Variants in ZNF518A observed in about 807,000 individuals in gnomAD.
ZNF518A encodes the protein zinc finger protein 518A.
A neutral mutation model predicts 102.7 loss-of-function variants in ZNF518A; 47 were observed. That is an observed-to-expected ratio of 0.46 (90% CI 0.36 to 0.58). The LOEUF is 0.58. ZNF518A is among the 20% of genes least tolerant of loss of function. ZNF518A has a pLI of 0.00. For synonymous variants in ZNF518A, 652 were observed against 594.6 expected (o/e 1.10, Z -1.40); for missense variants, 1,793 against 1,699.8 (o/e 1.05, Z -0.96).
intron 1 of ZNF518A, among the ~76,000 whole-genome samples, chr10:96,186,299 G>A (rs782341626): frequency 3.3e-5 from 5 of 152,206 alleles, no homozygotes; most frequent in African/African-American, 7.2e-5. Context: ...CTTCTGCATC[G>A]ATCACACTGG....
chr10:96,144,453 T>C (rs771585235), intron 3 of ZNF518A, among the ~76,000 whole-genome samples: 2 of 152,218 alleles, frequency 1.3e-5, no homozygotes, highest in Non-Finnish European at 2.9e-5. Flanking sequence ...CATATTTATA[T>C]GTTATGCTTT....
chr10:96,187,155 A>G (rs2083276301), intron 1 of ZNF518A, among the ~76,000 whole-genome samples: 2 of 152,256 alleles, frequency 1.3e-5, no homozygotes, highest in South Asian at 4.1e-4. Context: ...TTCCTAATAC[A>G]CAATTATAAT....
exon 2 of ZNF518A, chr10:96,203,612 C>CAAAAG (rs1793529702): frequency 7.2e-5 from 11 of 152,776 alleles, no homozygotes; most frequent in Admixed American, 3.3e-4. Context: ...AGATATTTGC[C>CAAAAG]GTATCTTCTT....
rs782127427 is a variant in ZNF518A at position 96,157,010 on chromosome 10, A to G, written c.688A>G (p.Asn230Asp). 2.5e-6 allele frequency: 4 copies of G among 1,613,712 alleles called. No homozygotes were observed. Among genetic ancestry groups the G allele is most frequent in the Non-Finnish European group, 3.4e-6 (4 of 1,179,794 alleles). The change falls in exon 6 of 6, where the codon AAT (asparagine) becomes GAT (aspartate). Residue 230 changes from asparagine to aspartate, a missense_variant. Asn to Asp is a conservative substitution (Grantham distance 23). This residue lies in a region of ZNF518A where 1,741 missense variants were observed against 1,622.6 expected (regional missense o/e 1.07). Coordinates refer to ENST00000316045, the MANE Select transcript of ZNF518A (RefSeq NM_001330736.2). ...GTFVQHIHRH[N>D]EIHYKCGKCH... ...ATTTGTTCAGCACATTCATAGACATAATGAAATTCATTATAAGTGTGGTAA... is the reference window on the plus strand; with the variant it reads ...ATTTGTTCAGCACATTCATAGACATGATGAAATTCATTATAAGTGTGGTAA...
chr10:96,200,911 T>C lies in ZNF518A; in HGVS notation n.36-2663T>C, dbSNP rs1451418480. 7.3e-7 allele frequency: 1 copy of C among 1,371,056 alleles called. No individual in the cohort carries two copies. The highest frequency in any genetic ancestry group is 1.2e-5 in the South Asian group (1 of 86,124). The allele number at this position is 1,371,056 out of a possible 1,614,324, so 84.9% of individuals were successfully genotyped here. On this transcript the variant is annotated intron_variant and non_coding_transcript_variant, in intron 1 of 2. Transcript: ENST00000442635. The surrounding 1 kb of genome is among the most constrained non-coding windows in gnomAD (Gnocchi z 4.3). ...CTCAAGGTTCACTCCAAATGTCTTCTTCTCAGAAGACATGCTCTTTCCTGC... is the reference window on the plus strand; with the variant it reads ...CTCAAGGTTCACTCCAAATGTCTTCCTCTCAGAAGACATGCTCTTTCCTGC...
At chr10:96,191,068 G>T (rs1289428424) in intron 1 of ZNF518A, among the ~76,000 whole-genome samples, 1 of 152,064 alleles carries the variant, frequency 6.6e-6, no homozygotes, top group African/African-American at 2.4e-5. Context: ...CCATGTTGTT[G>T]TGATAGTGAG....
At chr10:96,205,173 G>A (rs2083764361), downstream of ZNF518A, 1 of 158,864 alleles carries the variant, frequency 6.3e-6, no homozygotes, top group Admixed American at 6.0e-5. Context: ...GTGTTTTCCT[G>A]AGCAGAAGAG....
At chr10:96,168,837 G>T (rs1209547746) in intron 1 of ZNF518A, among the ~76,000 whole-genome samples, 1 of 152,112 alleles carries the variant, frequency 6.6e-6, no homozygotes, top group African/African-American at 2.4e-5. Context: ...GTGCCAGTAT[G>T]CATATTTTTG....
chr10:96,173,864 A>T (rs1591274109), intron 1 of ZNF518A, among the ~76,000 whole-genome samples: 1 of 152,182 alleles, frequency 6.6e-6, no homozygotes, highest in East Asian at 1.9e-4. Context: ...ATACCATATA[A>T]AACAAGTCTC....
chr10:96,195,243 A>G (rs1554894428), intron 1 of ZNF518A, among the ~76,000 whole-genome samples: 2 of 152,204 alleles, frequency 1.3e-5, no homozygotes, highest in Non-Finnish European at 2.9e-5. Flanking sequence ...GCTATGGAAA[A>G]AAGTATGGGA....
intron 3 of ZNF518A, among the ~76,000 whole-genome samples, chr10:96,148,835 C>T (rs2082294658): frequency 6.6e-6 from 1 of 152,198 alleles, no homozygotes. Flanking sequence ...CCTGCCTCAG[C>T]CTCCCGAGTA....
intron 1 of ZNF518A, among the ~76,000 whole-genome samples, chr10:96,193,327 C>G (rs782696626): frequency 1.8e-4 from 28 of 152,248 alleles, no homozygotes; most frequent in Non-Finnish European, 3.5e-4. Context: ...GGCCAGAAAA[C>G]GAAATAGCAC....
rs1554887090 is a variant in ZNF518A, at chr10:96,160,286, G to T, written c.3964G>T (p.Asp1322Tyr). The change falls in exon 6 of 6, where the codon GAT becomes TAT. Residue 1322 changes from aspartate to tyrosine, a missense_variant. Physicochemically the swap from Asp to Tyr is radical, Grantham distance 160 (BLOSUM62 -3). Transcript: ENST00000316045. ...ATTTAGCAGACCTAGGCTTTCAAAA[G>T]ATTCCATCAGAACTTTGCGGCTTTT... The part of the protein sequence containing the change: ...FGFSRPRLSK[D>Y]SIRTLRLFPF... 1.2e-6 allele frequency: 2 copies of T among 1,613,616 alleles called. No homozygotes were observed. Among genetic ancestry groups the T allele is most frequent in the Non-Finnish European group, 1.7e-6 (2 of 1,179,688 alleles).
chr10:96,160,938 T>C lies in ZNF518A; in HGVS notation c.*164T>C. 1.4e-6 allele frequency: 1 copy of C among 691,106 alleles called. No individual in the cohort carries two copies. The highest frequency in any genetic ancestry group is 2.2e-6 in the Non-Finnish European group (1 of 462,702). 42.8% of individuals were successfully genotyped at this position (691,106 alleles called of 1,614,324 possible). The stretch of plus-strand genomic sequence containing the variant: ...GGAAGAGTAAAAGTTGTATGTATGA[T>C]ATTTGAAAATGCTATCCCTGCACTC... On this transcript the variant is annotated 3_prime_UTR_variant, in exon 6 of 6. Transcript: ENST00000316045.
intron 1 of ZNF518A, among the ~76,000 whole-genome samples, chr10:96,186,035 C>T (rs782233557): frequency 4.6e-5 from 7 of 152,238 alleles, no homozygotes; most frequent in African/African-American, 1.4e-4. Context: ...AGCCAGGCGC[C>T]GGATATAATC....
In ZNF518A at chr10:96,156,414, C is replaced by G. The variant is rs375425463; in HGVS notation, c.92C>G (p.Ser31Trp). ...GTGAAAAATGAGATAGTTGATAGGT[C>G]GGCACCTAAACCAAAAATTTCAGGA... is the stretch of plus-strand genomic sequence containing the variant. ...YDVKNEIVDR[S>W]APKPKISGSI... The change falls in exon 6 of 6, where the codon TCG becomes TGG. Residue 31 changes from serine to tryptophan, a missense_variant. Physicochemically the swap from Ser to Trp is radical, Grantham distance 177 (BLOSUM62 -3). Coordinates refer to ENST00000316045, the MANE Select transcript of ZNF518A (RefSeq NM_001330736.2). 1.2e-6 allele frequency: 2 copies of G among 1,612,050 alleles called. No individual in the cohort carries two copies. Among genetic ancestry groups the G allele is most frequent in the African/African-American group, 1.3e-5 (1 of 74,772 alleles).
In ZNF518A at chr10:96,200,289, G is replaced by T; in HGVS notation, n.36-3285G>T. 3.2e-5 allele frequency: 20 copies of T among 623,538 alleles called. No individual in the cohort carries two copies. The highest frequency in any genetic ancestry group is 9.1e-5 in the East Asian group (3 of 33,022). 38.6% of individuals were successfully genotyped at this position (623,538 alleles called of 1,614,324 possible). A position where few individuals can be genotyped will look rare whatever the true frequency, so the allele number is the denominator to read the frequency against. ...ATTTACACCAATAATTTTAAGATGA[G>T]TTTTATTTTTCCTTTGATCAAACAC... On this transcript the variant is annotated intron_variant and non_coding_transcript_variant, in intron 1 of 2. Coordinates refer to the ZNF518A transcript ENST00000442635. The surrounding 1 kb of genome is among the most constrained non-coding windows in gnomAD (Gnocchi z 4.3).
chr10:96,188,737 C>G (rs2083287378), intron 1 of ZNF518A, among the ~76,000 whole-genome samples: 1 of 152,112 alleles, frequency 6.6e-6, no homozygotes, highest in African/African-American at 2.4e-5. Flanking sequence ...CAAAATTTCC[C>G]AAACCCCTAT....
intron 1 of ZNF518A, among the ~76,000 whole-genome samples, chr10:96,178,946 C>CTG (rs2083222185): frequency 1.3e-5 from 2 of 151,958 alleles, no homozygotes; most frequent in Non-Finnish European, 2.9e-5. Flanking sequence ...AAGCTCCAGC[C>CTG]CAGATGGCTT....
Sources: allele counts gnomAD v4.1 joint callset (sites outside exome capture counted in the v4.1 genomes callset), GRCh38; gene constraint gnomAD v4.1.1; regional missense constraint gnomAD v4.1.1; non-coding constraint Gnocchi (gnomAD v3.1); transcripts MANE v1.5; gene names NCBI Gene and HGNC (gene_info 2026-07-23, HGNC 2026-07-21).